The following KHDRBS2 variants were observed in gnomAD, a reference collection of about 807,000 sequenced individuals.
KHDRBS2 encodes KH RNA binding domain containing, signal transduction associated 2, also known as KH domain-containing, RNA-binding, signal transduction-associated protein 2.
In KHDRBS2, 26 loss-of-function variants were observed where a neutral mutation model predicts 44.3. The observed-to-expected ratio is 0.59, with a 90% CI of 0.43 to 0.81. The LOEUF (loss-of-function observed/expected upper bound fraction) is 0.81, where lower values mean the gene tolerates loss of function less well. KHDRBS2 is among the 40% of genes least tolerant of loss of function. The pLI, the probability that KHDRBS2 is intolerant of heterozygous loss-of-function variation, is 0.00. For missense variants in KHDRBS2, 476 were observed against 433.1 expected (o/e 1.10, Z -0.88); for synonymous variants, 194 against 151.1 (o/e 1.28, Z -2.08).
chr6:61,837,094 G>T (rs1792812510), intron 6 of KHDRBS2, among the ~76,000 whole-genome samples: 1 of 151,880 alleles, frequency 6.6e-6, no homozygotes, highest in African/African-American at 2.4e-5. Context: ...TAGGTGTGGA[G>T]AACCATTTTG....
the KHDRBS2 span, among the ~76,000 whole-genome samples, chr6:61,617,767 T>C: frequency 6.6e-6 from 1 of 152,116 alleles, no homozygotes; most frequent in South Asian, 2.1e-4. Context: ...ACAAATAAAA[T>C]TGAATTTATG....
intron 2 of KHDRBS2, among the ~76,000 whole-genome samples, chr6:62,151,711 T>C (rs936900432): frequency 6.6e-6 from 1 of 152,074 alleles, no homozygotes; most frequent in Non-Finnish European, 1.5e-5. Context: ...GAATATGGTA[T>C]GTACACACAC....
chr6:62,069,438 C>T (rs1273499257), intron 2 of KHDRBS2, among the ~76,000 whole-genome samples: 6 of 151,706 alleles, frequency 4.0e-5, no homozygotes, highest in Admixed American at 2.0e-4. Context: ...ATCTACAGTA[C>T]ATATCAAGTT....
the KHDRBS2 span, among the ~76,000 whole-genome samples, chr6:61,582,219 A>G: frequency 6.6e-6 from 1 of 151,830 alleles, no homozygotes; most frequent in African/African-American, 2.4e-5. Flanking sequence ...ACATAAGAAC[A>G]ATAAATAGAG....
chr6:62,114,810 T>A (rs1805825584), intron 2 of KHDRBS2, among the ~76,000 whole-genome samples: 1 of 152,086 alleles, frequency 6.6e-6, no homozygotes, highest in African/African-American at 2.4e-5. Flanking sequence ...ATTATCCTAA[T>A]TTAATAAACA....
intron 6 of KHDRBS2, chr6:61,816,969 C>T: frequency 2.2e-6 from 1 of 455,712 alleles, no homozygotes; most frequent in Non-Finnish European, 4.4e-6. Flanking sequence ...TGAGATTTTG[C>T]CACCGTATCA....
At chr6:61,626,121 T>C in the KHDRBS2 span, among the ~76,000 whole-genome samples, 4 of 152,222 alleles carry the variant, frequency 2.6e-5, no homozygotes, top group African/African-American at 9.6e-5. Flanking sequence ...CTTCTACTTA[T>C]AGACATACTT....
At chr6:61,739,249 A>G (rs1775817966) in intron 6 of KHDRBS2, among the ~76,000 whole-genome samples, 1 of 151,890 alleles carries the variant, frequency 6.6e-6, no homozygotes, top group Non-Finnish European at 1.5e-5. Flanking sequence ...TTATTATCTG[A>G]TTCAGCAATG....
intron 6 of KHDRBS2, among the ~76,000 whole-genome samples, chr6:61,763,943 C>T (rs897182483): frequency 2.0e-5 from 3 of 152,084 alleles, no homozygotes; most frequent in Non-Finnish European, 1.5e-5. Flanking sequence ...TATTAAGCCC[C>T]GCATGCATTA....
At position 61,946,607 on chromosome 6, in the gene KHDRBS2, T is replaced by A. The variant is rs1730181408; in HGVS notation, c.483+31459A>T. On this transcript the variant is annotated intron_variant, in intron 4 of 8. Coordinates refer to ENST00000281156, the MANE Select transcript of KHDRBS2 (RefSeq NM_152688.4). ...TGAACATATTTTAATGGAGGGGCTA[T>A]TTGAAGAAGTGTGGGCTAGAGAGGA... 2.6e-5 allele frequency among the ~76,000 whole-genome samples: 4 copies of A among 152,120 alleles called. No homozygotes were observed. The East Asian group carries it at 7.7e-4, about 29-fold the overall frequency.
intron 1 of KHDRBS2, among the ~76,000 whole-genome samples, chr6:62,178,325 T>A (rs1390942155): frequency 6.6e-6 from 1 of 151,554 alleles, no homozygotes; most frequent in Non-Finnish European, 1.5e-5. Context: ...AAAGCCTGTG[T>A]GGCTGAAGAA....
In KHDRBS2 at chr6:61,697,254, C is replaced by T; in HGVS notation, c.894-1G>A. On this transcript the variant is annotated splice_acceptor_variant, in intron 7 of 8. Coordinates refer to ENST00000281156, the MANE Select transcript of KHDRBS2 (RefSeq NM_152688.4). LOFTEE classifies it high-confidence loss of function. ...ACCGTAGTCATAGTATTCAGGCACA[C>T]TGCAACAAATTTAGATAGCAATCAA... The T allele has an allele frequency of 6.3e-7, 1 of 1,596,120 alleles. No individual in the cohort carries two copies. The highest frequency in any genetic ancestry group is 8.6e-7 in the Non-Finnish European group (1 of 1,163,936).
chr6:61,731,613 A>T (rs1774466755), intron 7 of KHDRBS2, among the ~76,000 whole-genome samples: 1 of 152,030 alleles, frequency 6.6e-6, no homozygotes, highest in African/African-American at 2.4e-5. Flanking sequence ...TGCCACCTCA[A>T]ATATTACTTA....
chr6:61,875,782 T>C (rs1799324504), intron 6 of KHDRBS2, among the ~76,000 whole-genome samples: 1 of 152,124 alleles, frequency 6.6e-6, no homozygotes, highest in Non-Finnish European at 1.5e-5. Context: ...TAGTTAATTT[T>C]ACAGTTCTTT....
chr6:62,274,965 G>A (rs1175723957), intron 1 of KHDRBS2, among the ~76,000 whole-genome samples: 6 of 145,640 alleles, frequency 4.1e-5, no homozygotes, highest in Non-Finnish European at 7.5e-5. Context: ...CCCAATTAAC[G>A]TATGCTTAAC....
At chr6:62,221,186 C>T (rs1253919982) in intron 1 of KHDRBS2, among the ~76,000 whole-genome samples, 1 of 151,282 alleles carries the variant, frequency 6.6e-6, no homozygotes, top group Non-Finnish European at 1.5e-5. Context: ...GGACATTATG[C>T]TATGTGACAT....
chr6:62,009,425 T>C (rs888618460), intron 3 of KHDRBS2, among the ~76,000 whole-genome samples: 6 of 152,166 alleles, frequency 3.9e-5, no homozygotes, highest in African/African-American at 1.4e-4. Flanking sequence ...AGTTGGAGCT[T>C]GACAATGTGA....
intron 6 of KHDRBS2, among the ~76,000 whole-genome samples, chr6:61,849,076 G>C (rs1795067212): frequency 6.6e-6 from 1 of 151,998 alleles, no homozygotes; most frequent in African/African-American, 2.4e-5. Flanking sequence ...GAGTTTGCTT[G>C]TTAACAGCAG....
intron 1 of KHDRBS2, among the ~76,000 whole-genome samples, chr6:62,267,126 A>C (rs1318584892): frequency 2.6e-5 from 4 of 152,000 alleles, no homozygotes; most frequent in Non-Finnish European, 5.9e-5. Context: ...TTTTGGTTTC[A>C]AATAACATAA....
Sources: allele counts gnomAD v4.1 joint callset (sites outside exome capture counted in the v4.1 genomes callset), GRCh38; gene constraint gnomAD v4.1.1; transcripts MANE v1.5; gene names NCBI Gene and HGNC (gene_info 2026-07-23, HGNC 2026-07-21).